ME1: variants seen among roughly 807,000 people sequenced by gnomAD.
ME1 encodes the protein NADP-dependent malic enzyme.
ME1 carries 74 observed loss-of-function variants against 66.4 expected under a neutral mutation model. The observed-to-expected ratio is 1.11, with a 90% CI of 0.92 to 1.35. ME1 has a LOEUF of 1.35. Ranked by LOEUF, ME1 falls within the 40% of genes most tolerant of loss-of-function variation. The pLI, the probability that ME1 is intolerant of heterozygous loss-of-function variation, is 0.00. For missense variants in ME1, 750 were observed against 694.1 expected, an observed-to-expected ratio of 1.08 and a Z score of -0.90; for synonymous variants, 251 against 235.6, an observed-to-expected ratio of 1.07 and a Z score of -0.60.
rs553679481 is a variant in ME1, at chr6:83,421,792, C to G, written c.78+9085G>C. Among the ~76,000 whole-genome samples the G allele has an allele frequency of 3.9e-5, 6 of 152,250 alleles. No homozygotes were observed. The South Asian group carries it at 1.0e-3, about 26-fold the overall frequency. The stretch of plus-strand genomic sequence containing the variant: ...CTTTTCCACCTCTCTAGTCCCAACT[C>G]CCAGGTAATCCCACGGGGATGGCAG... On this transcript the variant is annotated intron_variant, in intron 1 of 13. Coordinates refer to ENST00000369705, the MANE Select transcript of ME1 (RefSeq NM_002395.6).
At chr6:83,311,552 T>C (rs370176499) in intron 6 of ME1, among the ~76,000 whole-genome samples, 1 of 151,980 alleles carries the variant, frequency 6.6e-6, no homozygotes. Flanking sequence ...TATAGACACA[T>C]GTAAAAGCCA....
intron 3 of ME1, among the ~76,000 whole-genome samples, chr6:83,380,705 G>A (rs1187042522): frequency 6.6e-6 from 1 of 152,116 alleles, no homozygotes; most frequent in Non-Finnish European, 1.5e-5. Flanking sequence ...GAGTGGGTAA[G>A]TGGAAGTAGT....
chr6:83,322,648 G>A (rs1186594087), intron 5 of ME1, among the ~76,000 whole-genome samples: 1 of 152,098 alleles, frequency 6.6e-6, no homozygotes, highest in Non-Finnish European at 1.5e-5. Flanking sequence ...AAGAAATATG[G>A]GACTATGTGA....
chr6:83,251,514 A>C (rs1790725207), intron 7 of ME1, among the ~76,000 whole-genome samples: 1 of 152,016 alleles, frequency 6.6e-6, no homozygotes, highest in South Asian at 2.1e-4. Flanking sequence ...TTGCATAAAT[A>C]TATAAAAATG....
At chr6:83,331,173 G>A (rs1401888754) in intron 5 of ME1, among the ~76,000 whole-genome samples, 1 of 152,190 alleles carries the variant, frequency 6.6e-6, no homozygotes, top group East Asian at 1.9e-4. Context: ...AAATTCATAT[G>A]TTGAATCCCT....
At chr6:83,397,084 T>G (rs940858888) in intron 3 of ME1, among the ~76,000 whole-genome samples, 1 of 152,140 alleles carries the variant, frequency 6.6e-6, no homozygotes, top group Non-Finnish European at 1.5e-5. Flanking sequence ...GGCAATGATG[T>G]TTTTAGATAT....
rs143982266 is a variant in ME1 at position 83,393,666 on chromosome 6, G to A, written c.362+4701C>T. On this transcript the variant is annotated intron_variant, in intron 3 of 13. Coordinates refer to ENST00000369705, the MANE Select transcript of ME1 (RefSeq NM_002395.6). ...CTATCGACTTCAACTCAAATACTTC[G>A]TTTGATTCAAGCCCTTCTACATTTA... 9.5e-3 allele frequency among the ~76,000 whole-genome samples: 1,433 copies of A among 151,210 alleles called. 96 individuals are homozygous for A. Among genetic ancestry groups the A allele is most frequent in the Admixed American group, 0.086 (1,297 of 15,164 alleles).
At chr6:83,264,157 CTCTG>C (rs1185918344) in intron 6 of ME1, among the ~76,000 whole-genome samples, 1 of 152,158 alleles carries the variant, frequency 6.6e-6, no homozygotes, top group East Asian at 1.9e-4. Context: ...GCTAAATAGA[CTCTG>C]TCTGTGCTCT....
chr6:83,409,838 T>C (rs1416447866), intron 1 of ME1, among the ~76,000 whole-genome samples: 1 of 152,220 alleles, frequency 6.6e-6, no homozygotes, highest in Non-Finnish European at 1.5e-5. Flanking sequence ...GCCATTCTCA[T>C]AGCTGCAAAA....
chr6:83,290,608 T>C (rs1436865073), intron 6 of ME1, among the ~76,000 whole-genome samples: 1 of 152,196 alleles, frequency 6.6e-6, no homozygotes, highest in Non-Finnish European at 1.5e-5. Flanking sequence ...TCTGTTGATT[T>C]AGGGTGGAGA....
chr6:83,267,500 C>G (rs1179157084), intron 6 of ME1, among the ~76,000 whole-genome samples: 1 of 152,168 alleles, frequency 6.6e-6, no homozygotes, highest in Non-Finnish European at 1.5e-5. Flanking sequence ...GCTCTCAGTG[C>G]AGCCCAGTCA....
chr6:83,213,411 CA>C (rs2128522117), intron 13 of ME1, among the ~76,000 whole-genome samples: 2 of 150,948 alleles, frequency 1.3e-5, no homozygotes. Flanking sequence ...GCAACAAGAG[CA>C]AAACTCCATC....
At chr6:83,389,831 A>C (rs142811079) in intron 3 of ME1, among the ~76,000 whole-genome samples, 1 of 152,282 alleles carries the variant, frequency 6.6e-6, no homozygotes, top group African/African-American at 2.4e-5. Flanking sequence ...TCTATGTACA[A>C]ACTAACCACA....
At chr6:83,367,064 A>C (rs1769112821) in intron 3 of ME1, among the ~76,000 whole-genome samples, 1 of 152,242 alleles carries the variant, frequency 6.6e-6, no homozygotes, top group Non-Finnish European at 1.5e-5. Context: ...TGATGTTAGC[A>C]GTCATGAAAA....
chr6:83,257,753 C>T (rs1766810403), intron 6 of ME1, among the ~76,000 whole-genome samples: 1 of 152,058 alleles, frequency 6.6e-6, no homozygotes. Flanking sequence ...AACTAAGTAC[C>T]CCAAACACAA....
rs1768921889 is a variant in ME1, at chr6:83,357,902, C to CTCTCTCTCTCTCTCTCTCT, written c.363-5764_363-5763insAGAGAGAGAGAGAGAGAGA. Among the ~76,000 whole-genome samples the CTCTCTCTCTCTCTCTCTCT allele has an allele frequency of 1.2e-3, 38 of 31,542 alleles. 6 individuals carry two copies. The highest frequency in any genetic ancestry group is 4.9e-3 in the Admixed American group (9 of 1,850). The allele number at this position is 31,542 out of a possible 152,430, so 20.7% of individuals were successfully genotyped here. A position where few individuals can be genotyped will look rare whatever the true frequency, so the allele number is the denominator to read the frequency against. On this transcript the variant is annotated intron_variant, in intron 3 of 13. Transcript: ENST00000369705. Reference sequence around the variant, plus strand: ...TGTTAGTTAATACTTAATAAACTCCCCTCTCTCTCTCTCTCTCTCTCTCTC... The same window carrying CTCTCTCTCTCTCTCTCTCT: ...TGTTAGTTAATACTTAATAAACTCCCTCTCTCTCTCTCTCTCTCTCTCTCTCTCTCTCTCTCTCTCTCTC...
chr6:83,407,626 A>T, intron 2 of ME1, 142 bp downstream of exon 2: 2 of 835,016 alleles, frequency 2.4e-6, no homozygotes, highest in Non-Finnish European at 3.5e-6. Context: ...TTTTAAAAAC[A>T]TCATTGTGTT....
chr6:83,384,953 C>T (rs1401611878), intron 3 of ME1, among the ~76,000 whole-genome samples: 2 of 151,948 alleles, frequency 1.3e-5, no homozygotes, highest in East Asian at 1.9e-4. Context: ...GGCTTTACAC[C>T]TCATCTAGTG....
intron 6 of ME1, among the ~76,000 whole-genome samples, chr6:83,272,993 G>A (rs1767112267): frequency 6.6e-6 from 1 of 151,802 alleles, no homozygotes; most frequent in Non-Finnish European, 1.5e-5. Context: ...TGGCCAGTAT[G>A]GTGAAACCTC....
Sources: allele counts gnomAD v4.1 joint callset (sites outside exome capture counted in the v4.1 genomes callset), GRCh38; gene constraint gnomAD v4.1.1; transcripts MANE v1.5; gene names NCBI Gene and HGNC (gene_info 2026-07-23, HGNC 2026-07-21).